ZNF808: variants seen among roughly 807,000 people sequenced by gnomAD.
The protein encoded by ZNF808 is zinc finger protein 808.
A neutral mutation model predicts 8.7 loss-of-function variants in ZNF808; 5 were observed. The observed-to-expected ratio is 0.58, with a 90% CI of 0.30 to 1.21. The LOEUF is 1.21. Ranked by LOEUF, ZNF808 falls within the 50% of genes most tolerant of loss-of-function variation. The pLI, the probability that ZNF808 is intolerant of heterozygous loss-of-function variation, is 0.07. For synonymous variants in ZNF808, 380 were observed against 366.0 expected (o/e 1.04, Z -0.44); for missense variants, 1,103 against 1,098.4 (o/e 1.00, Z -0.06).
chr19:52,558,146 C>T (rs1336523587), downstream of ZNF808, among the ~76,000 whole-genome samples: 4 of 135,810 alleles, frequency 2.9e-5, no homozygotes, highest in African/African-American at 5.6e-5. Context: ...AGTGCAGTGG[C>T]GCAATCTCGG....
In ZNF808 at chr19:52,553,744, C is replaced by G. The variant is rs753523035; in HGVS notation, c.828C>G (p.Cys276Trp). The G allele has an allele frequency of 6.2e-7, 1 of 1,614,034 alleles. No homozygotes were observed. The change falls in exon 5 of 5, where the codon TGC becomes TGG. Residue 276 changes from cysteine (C) to tryptophan (W), a missense_variant. Physicochemically the swap from Cys to Trp is radical, Grantham distance 215. Transcript: ENST00000359798. ...KLFNHKQYLACHRRCHTGEKP... is the reference protein window; with the variant it reads ...KLFNHKQYLAWHRRCHTGEKP... ...TTAATCACAAGCAATACCTTGCATGCCATCGTAGATGTCACACTGGAGAGA... is the reference window on the plus strand; with the variant it reads ...TTAATCACAAGCAATACCTTGCATGGCATCGTAGATGTCACACTGGAGAGA...
chr19:52,538,793 C>T (rs1198257332), intron 2 of ZNF808, among the ~76,000 whole-genome samples: 1 of 152,094 alleles, frequency 6.6e-6, no homozygotes, highest in African/African-American at 2.4e-5. Context: ...ACCCTGGGTG[C>T]AGATGAGTGG....
downstream of ZNF808, among the ~76,000 whole-genome samples, chr19:52,566,109 C>T (rs1445265863): frequency 2.6e-5 from 4 of 152,130 alleles, no homozygotes; most frequent in Non-Finnish European, 5.9e-5. Context: ...AAATGCTTTA[C>T]AACTTTGTGG....
chr19:52,535,505 C>CA (rs1293367015), intron 2 of ZNF808, among the ~76,000 whole-genome samples: 1 of 152,154 alleles, frequency 6.6e-6, no homozygotes, highest in Non-Finnish European at 1.5e-5. Context: ...GCTTCCGCCC[C>CA]GTGCCCGCAT....
Position 52,547,629 on chromosome 19 carries a change from G to A in ZNF808, c.181G>A (p.Glu61Lys). The change falls in exon 4 of 5, where the codon GAG becomes AAG. Residue 61 changes from glutamate to lysine, a missense_variant. Coordinates refer to ENST00000359798, the MANE Select transcript of ZNF808 (RefSeq NM_001039886.4). ...GATGTTGGAGAACTACAGGAACCTG[G>A]AGGCTGTGGGTGAGGAAAATGTCCC... ...EVMLENYRNL[E>K]AVDISSKHMM... The A allele has an allele frequency of 1.2e-6, 2 of 1,614,042 alleles. No homozygotes were observed. The highest frequency in any genetic ancestry group is 1.7e-6 in the Non-Finnish European group (2 of 1,179,978).
chr19:52,534,235 C>T (rs991011574), intron 2 of ZNF808, among the ~76,000 whole-genome samples: 1 of 152,160 alleles, frequency 6.6e-6, no homozygotes, highest in Non-Finnish European at 1.5e-5. Context: ...GTTAGGGTTT[C>T]TCCCCCTCCC....
At chr19:52,537,172 G>A (rs1427440763) in intron 2 of ZNF808, among the ~76,000 whole-genome samples, 1 of 137,682 alleles carries the variant, frequency 7.3e-6, no homozygotes. Context: ...GGCAACAAGA[G>A]TGAAACTCTT....
At chr19:52,536,782 G>A (rs560696301) in intron 2 of ZNF808, among the ~76,000 whole-genome samples, 16 of 152,256 alleles carry the variant, frequency 1.1e-4, no homozygotes, top group East Asian at 5.8e-4. Context: ...ACAGGGGGGC[G>A]TAACAGGGAA....
In ZNF808 at chr19:52,543,318, G is replaced by T. The variant is rs554434175; in HGVS notation, c.34G>T (p.Gly12Ter). Residue 12 changes from glycine to a stop codon, truncating the protein, a stop_gained, in exon 3 of 5, where the codon GGA (glycine) becomes TGA (stop). Transcript: ENST00000359798. LOFTEE classifies it high-confidence loss of function. ...TGAGGAAGCAGCTCAGAAGAGGAAA[G>T]GAAAGGAGTCAGGCATGGCTCTTCC... ...LREEAAQKRK[G>*]KESGMALPQG... The T allele has an allele frequency of 2.5e-6, 4 of 1,613,606 alleles. No homozygotes were observed. In the South Asian group the frequency reaches 4.4e-5, roughly 18 times the overall value.
At chr19:52,535,203 C>T (rs1254105686) in intron 2 of ZNF808, among the ~76,000 whole-genome samples, 1 of 150,942 alleles carries the variant, frequency 6.6e-6, no homozygotes, top group South Asian at 2.1e-4. Flanking sequence ...TCGTGGTGGG[C>T]GCCTGTAGTC....
At chr19:52,540,459 C>T (rs1375237067) in intron 2 of ZNF808, among the ~76,000 whole-genome samples, 1 of 152,106 alleles carries the variant, frequency 6.6e-6, no homozygotes, top group Non-Finnish European at 1.5e-5. Context: ...TAGTCTTTAT[C>T]ATATATCGAA....
At position 52,535,255 on chromosome 19, in the gene ZNF808, C is replaced by T. The variant is rs577684494; in HGVS notation, c.-20+2246C>T. Among the ~76,000 whole-genome samples, 13 of 142,050 alleles carry T rather than the reference C, an allele frequency of 9.2e-5. No individual in the cohort carries two copies. The South Asian group carries it at 1.8e-3, about 20-fold the overall frequency. 93.2% of individuals were successfully genotyped at this position (142,050 alleles called of 152,430 possible). A position where few individuals can be genotyped will look rare whatever the true frequency, so the allele number is the denominator to read the frequency against. On this transcript the variant is annotated intron_variant, in intron 2 of 4. Transcript: ENST00000359798. ...CTGAGGCAGGAGAATTGCGTGAACC[C>T]GGGAGGCGGAGCTTGCAGTGAGCCA...
At chr19:52,566,354 CTG>C (rs933763507), downstream of ZNF808, among the ~76,000 whole-genome samples, 4 of 151,860 alleles carry the variant, frequency 2.6e-5, no homozygotes, top group African/African-American at 9.7e-5. Context: ...TTAGTAGAGA[CTG>C]GGTTTCATTA....
At chr19:52,538,469 T>C (rs1310567451) in intron 2 of ZNF808, among the ~76,000 whole-genome samples, 2 of 150,452 alleles carry the variant, frequency 1.3e-5, no homozygotes, top group Non-Finnish European at 2.9e-5. Context: ...TACTACCCCC[T>C]GAGTATCTGG....
chr19:52,551,844 A>AAT (rs2059779975), intron 4 of ZNF808, among the ~76,000 whole-genome samples: 2 of 151,848 alleles, frequency 1.3e-5, no homozygotes, highest in Non-Finnish European at 1.5e-5. Context: ...CTCTACTAAA[A>AAT]ACACAAAAAT....
At chr19:52,546,966 T>TA (rs57977400) in intron 3 of ZNF808, among the ~76,000 whole-genome samples, 9 of 148,694 alleles carry the variant, frequency 6.1e-5, no homozygotes, top group Admixed American at 1.3e-4. Flanking sequence ...TTTTTTTTTT[T>TA]AGATGGAGTG....
intron 2 of ZNF808, among the ~76,000 whole-genome samples, chr19:52,541,335 C>T (rs1029086591): frequency 6.6e-6 from 1 of 150,736 alleles, no homozygotes; most frequent in Non-Finnish European, 1.5e-5. Context: ...ATGTAGATAT[C>T]TAGTTAGGTA....
At chr19:52,541,018 C>G (rs2059664723) in intron 2 of ZNF808, among the ~76,000 whole-genome samples, 1 of 152,144 alleles carries the variant, frequency 6.6e-6, no homozygotes, top group African/African-American at 2.4e-5. Context: ...GTGGCATGAT[C>G]TCAGCTCACT....
At chr19:52,539,688 T>C (rs370367364) in intron 2 of ZNF808, among the ~76,000 whole-genome samples, 1 of 149,378 alleles carries the variant, frequency 6.7e-6, no homozygotes, top group African/African-American at 2.5e-5. Context: ...TGAGTAGTTA[T>C]GATTACAGGC....
Sources: gnomAD v4.1 joint callset for allele counts (sites outside exome capture counted in the v4.1 genomes callset) on GRCh38, gnomAD v4.1.1 for gene constraint, MANE v1.5 for transcripts, NCBI Gene and HGNC (gene_info 2026-07-23, HGNC 2026-07-21) for gene names.